The following CCT4 variants were observed in gnomAD, a reference collection of about 807,000 sequenced individuals.
The protein encoded by CCT4 is chaperonin containing TCP1 subunit 4, also known as T-complex protein 1 subunit delta.
CCT4 carries 17 observed loss-of-function variants against 62.5 expected under a neutral mutation model. That is an observed-to-expected ratio of 0.27 (90% CI 0.19 to 0.41). CCT4 has a LOEUF of 0.41. Ranked by LOEUF, CCT4 falls within the 10% of genes least tolerant of loss-of-function variation. The pLI, the probability that CCT4 is intolerant of heterozygous loss-of-function variation, is 1.00. For missense variants in CCT4, 592 were observed against 659.2 expected, an observed-to-expected ratio of 0.90 and a Z score of 1.12; for synonymous variants, 250 against 229.9, an observed-to-expected ratio of 1.09 and a Z score of -0.79.
chr2:61,877,138 G>T (rs1669018397), intron 6 of CCT4, 86 bp from the exon 7 acceptor site: 2 of 1,234,144 alleles, frequency 1.6e-6, no homozygotes, highest in Non-Finnish European at 2.3e-6. Context: ...AAAGTCATCA[G>T]TCCAATAAAA....
chr2:61,873,091 C>A lies in CCT4; in HGVS notation c.1036G>T (p.Ala346Ser), dbSNP rs749950723. The change falls in exon 10 of 14, where the codon GCT becomes TCT. Residue 346 changes from alanine (A) to serine (S), a missense_variant. By Grantham distance (99) the Ala-to-Ser change is moderately conservative. Transcript: ENST00000394440. ...TCAGCAGTAAATTGGTCAATATGAG[C>A]AACTGGCTTGGTTCCAATTGTCTGG... Reference protein sequence around the residue: ...ICKTIGTKPVAHIDQFTADML... With the variant: ...ICKTIGTKPVSHIDQFTADML... 2 of 1,610,346 alleles carry A rather than the reference C, an allele frequency of 1.2e-6. No individual in the cohort carries two copies. The highest frequency in any genetic ancestry group is 2.2e-5 in the South Asian group (2 of 90,978).
At chr2:61,880,129 T>C (rs1572922076) in intron 4 of CCT4, among the ~76,000 whole-genome samples, 157 bp downstream of exon 4, 1 of 152,262 alleles carries the variant, frequency 6.6e-6, no homozygotes, top group South Asian at 2.1e-4. Context: ...ATCTCTATTA[T>C]AAATATAGCA....
chr2:61,883,816 A>AC (rs70946767), intron 2 of CCT4, among the ~76,000 whole-genome samples: 6 of 150,246 alleles, frequency 4.0e-5, no homozygotes, highest in African/African-American at 7.4e-5. Flanking sequence ...ACACACACAC[A>AC]AAAGGAAAAA....
intron 12 of CCT4, among the ~76,000 whole-genome samples, chr2:61,870,354 CCA>C (rs1668858147): frequency 6.6e-6 from 1 of 152,162 alleles, no homozygotes; most frequent in South Asian, 2.1e-4. Flanking sequence ...TAGATCAACC[CCA>C]GTCTACTCTA....
intron 7 of CCT4, 118 bp downstream of exon 7, chr2:61,876,802 G>T (rs756335077): frequency 1.2e-6 from 1 of 819,252 alleles, no homozygotes; most frequent in Non-Finnish European, 1.8e-6. Flanking sequence ...CTCAATTCTA[G>T]TAAGTCTTTT....
chr2:61,872,932 A>C, intron 10 of CCT4, 70 bp downstream of exon 10: 3 of 932,560 alleles, frequency 3.2e-6, no homozygotes, highest in South Asian at 2.7e-5. Context: ...GTCTCAAAAA[A>C]AGAAAAAAAA....
At chr2:61,876,670 T>C (rs1016843685) in intron 7 of CCT4, among the ~76,000 whole-genome samples, 1 of 152,216 alleles carries the variant, frequency 6.6e-6, no homozygotes, top group African/African-American at 2.4e-5. Context: ...GCAATTTTTC[T>C]GCTTCAATTT....
chr2:61,888,320 C>T (rs1669307330), intron 1 of CCT4, 61 bp downstream of exon 1: 1 of 1,567,434 alleles, frequency 6.4e-7, no homozygotes, highest in African/African-American at 1.4e-5. Flanking sequence ...CCGCTCAAGC[C>T]CACGATGAGA....
intron 1 of CCT4, chr2:61,885,861 A>G (rs1669237756): frequency 6.6e-6 from 1 of 152,244 alleles, no homozygotes; most frequent in Non-Finnish European, 1.5e-5. Flanking sequence ...AGAACTGTCT[A>G]GATCTAAAAT....
At position 61,880,239 on chromosome 2, in the gene CCT4, G is replaced by C. The variant is rs767043756; in HGVS notation, c.379+47C>G. ...AATAACTTGGCTTTTCCTAAAGTTT[G>C]TTTTTTAAACTTTTCTTTATTCAGT... On this transcript the variant is annotated intron_variant, in intron 4 of 13. Transcript: ENST00000394440. 5.0e-6 allele frequency: 4 copies of C among 794,604 alleles called. No individual in the cohort carries two copies. In the African/African-American group the frequency reaches 1.6e-4, roughly 32 times the overall value. 49.2% of individuals were successfully genotyped at this position (794,604 alleles called of 1,614,324 possible). A position where few individuals can be genotyped will look rare whatever the true frequency, so the allele number is the denominator to read the frequency against.
In CCT4 at chr2:61,876,988, C is replaced by T. The variant is rs756082656; in HGVS notation, c.709G>A (p.Gly237Ser). ...TTGGCCTTTTCAACTCTGGTTATGC[C>T]AGAATTTGACACTTTTTGGGTGAGA... ...LVLTQKVSNS[G>S]ITRVEKAKIG... The change falls in exon 7 of 14, where the codon GGC becomes AGC. Residue 237 changes from glycine to serine, a missense_variant. Gly to Ser is a moderately conservative substitution (Grantham distance 56). Transcript: ENST00000394440. The T allele has an allele frequency of 2.5e-6, 4 of 1,613,542 alleles. No individual in the cohort carries two copies. The highest frequency in any genetic ancestry group is 3.4e-6 in the Non-Finnish European group (4 of 1,179,682).
chr2:61,877,714 G>A (rs1669031207), intron 5 of CCT4, among the ~76,000 whole-genome samples, 200 bp from the exon 6 acceptor site: 1 of 152,082 alleles, frequency 6.6e-6, no homozygotes. Context: ...ATAAAAACAT[G>A]TATGCTTGCT....
At chr2:61,888,300 T>C in intron 1 of CCT4, 81 bp downstream of exon 1, 1 of 1,504,908 alleles carries the variant, frequency 6.6e-7, no homozygotes, top group Non-Finnish European at 9.0e-7. Context: ...AAATGGGAAA[T>C]GAGCCAAACC....
intron 3 of CCT4, 25 bp downstream of exon 3, chr2:61,883,434 A>G: frequency 1.8e-6 from 2 of 1,142,734 alleles, no homozygotes; most frequent in Non-Finnish European, 1.3e-6. Flanking sequence ...AAAAAAAAAA[A>G]AGACTCACCT....
chr2:61,878,261 G>A (rs1669041510), intron 5 of CCT4, among the ~76,000 whole-genome samples: 1 of 152,186 alleles, frequency 6.6e-6, no homozygotes, highest in African/African-American at 2.4e-5. Context: ...CAAGTGACAT[G>A]AGTTCCAAAG....
intron 9 of CCT4, 31 bp downstream of exon 9, chr2:61,873,166 T>A: frequency 6.9e-7 from 1 of 1,457,858 alleles, no homozygotes. Flanking sequence ...TTATCAGACA[T>A]TTTCCACAAA....
At chr2:61,875,852 C>T (rs1668985923) in intron 8 of CCT4, among the ~76,000 whole-genome samples, 1 of 152,096 alleles carries the variant, frequency 6.6e-6, no homozygotes, top group African/African-American at 2.4e-5. Context: ...TCCTAGACAT[C>T]TTAACTGAAC....
chr2:61,885,164 A>C, intron 1 of CCT4, 92 bp from the exon 2 acceptor site: 1 of 932,956 alleles, frequency 1.1e-6, no homozygotes, highest in Non-Finnish European at 1.5e-6. Flanking sequence ...ATGGCCTCAA[A>C]CTCCTGGGCT....
chr2:61,883,698 T>C (rs1281297500), intron 2 of CCT4, 150 bp from the exon 3 acceptor site: 3 of 569,598 alleles, frequency 5.3e-6, no homozygotes, highest in Admixed American at 3.4e-5. Flanking sequence ...AGTTTAAGAA[T>C]ACGCAATAAC....
Sources: gnomAD v4.1 joint callset for allele counts (sites outside exome capture counted in the v4.1 genomes callset) on GRCh38, gnomAD v4.1.1 for gene constraint, MANE v1.5 for transcripts, NCBI Gene and HGNC (gene_info 2026-07-23, HGNC 2026-07-21) for gene names.